CSMD1: variants seen among roughly 807,000 people sequenced by gnomAD.
CSMD1 encodes the protein CUB and sushi domain-containing protein 1.
Under a neutral mutation model 417.5 loss-of-function variants are expected in CSMD1, and 213 were observed. The ratio of observed to expected loss-of-function variants is 0.51; its 90% CI spans 0.46 to 0.57. The LOEUF (loss-of-function observed/expected upper bound fraction) is 0.57, where lower values mean the gene tolerates loss of function less well. CSMD1 is among the 20% of genes least tolerant of loss of function. The pLI is 0.00. For missense variants in CSMD1, 6,923 were observed against 4,529.7 expected (o/e 1.53, Z -15.17); for synonymous variants, 2,862 against 1,736.8 (o/e 1.65, Z -16.11).
intron 3 of CSMD1, among the ~76,000 whole-genome samples, chr8:4,331,261 G>T (rs1006253734): frequency 3.9e-5 from 6 of 152,128 alleles, no homozygotes; most frequent in African/African-American, 1.2e-4. Context: ...GAGAAGCCAG[G>T]GAACTCGGTG....
At chr8:3,920,852 T>C (rs929540592) in intron 5 of CSMD1, among the ~76,000 whole-genome samples, 1 of 152,198 alleles carries the variant, frequency 6.6e-6, no homozygotes, top group Admixed American at 6.5e-5. Flanking sequence ...ATCCCTTTAA[T>C]GTGCTATTGA....
chr8:3,663,380 T>C (rs529063758), intron 7 of CSMD1, among the ~76,000 whole-genome samples: 1 of 152,244 alleles, frequency 6.6e-6, no homozygotes, highest in African/African-American at 2.4e-5. Context: ...GGGGCACTTC[T>C]GTAAATTTCC....
intron 3 of CSMD1, among the ~76,000 whole-genome samples, chr8:4,083,709 T>TA (rs1279140801): frequency 6.6e-6 from 1 of 152,072 alleles, no homozygotes; most frequent in Non-Finnish European, 1.5e-5. Context: ...ATTAAAGACT[T>TA]AAACGTTAGA....
intron 1 of CSMD1, among the ~76,000 whole-genome samples, chr8:4,810,759 G>T (rs747078230): frequency 4.6e-5 from 7 of 152,066 alleles, no homozygotes; most frequent in Non-Finnish European, 1.0e-4. Flanking sequence ...TGAAATAATT[G>T]AAAAAGCTGA....
At chr8:4,736,973 T>G (rs1158862025) in intron 1 of CSMD1, among the ~76,000 whole-genome samples, 1 of 152,212 alleles carries the variant, frequency 6.6e-6, no homozygotes, top group Non-Finnish European at 1.5e-5. Flanking sequence ...TATTCTCTCA[T>G]GGCTGCTTCT....
intron 1 of CSMD1, among the ~76,000 whole-genome samples, chr8:4,886,989 C>G (rs930983198): frequency 6.6e-5 from 10 of 151,998 alleles, no homozygotes; most frequent in African/African-American, 2.2e-4. Flanking sequence ...TTCTGCTCAA[C>G]TCTTATATAT....
At chr8:4,153,140 G>C (rs903955212) in intron 3 of CSMD1, among the ~76,000 whole-genome samples, 7 of 152,142 alleles carry the variant, frequency 4.6e-5, no homozygotes, top group African/African-American at 1.2e-4. Flanking sequence ...ATTGAATACT[G>C]AATCTTGACT....
chr8:4,223,282 T>C (rs967342321), intron 3 of CSMD1, among the ~76,000 whole-genome samples: 7 of 152,296 alleles, frequency 4.6e-5, no homozygotes, highest in Admixed American at 4.6e-4. Context: ...ATCCAGACTT[T>C]TTGCCTCGAA....
intron 2 of CSMD1, among the ~76,000 whole-genome samples, chr8:4,490,456 T>C (rs1801645076): frequency 6.6e-6 from 1 of 152,242 alleles, no homozygotes. Flanking sequence ...AGTTTTTTAA[T>C]GACAACTGAT....
chr8:4,003,261 C>T (rs1422011153), intron 4 of CSMD1, among the ~76,000 whole-genome samples: 3 of 151,948 alleles, frequency 2.0e-5, no homozygotes, highest in African/African-American at 7.3e-5. Context: ...GGTGTGGTGA[C>T]GGGCACTTGT....
At chr8:3,513,040 G>T (rs1159795509) in intron 10 of CSMD1, among the ~76,000 whole-genome samples, 1 of 152,190 alleles carries the variant, frequency 6.6e-6, no homozygotes, top group South Asian at 2.1e-4. Flanking sequence ...TGAGGTTTTA[G>T]AATTTTCCAC....
chr8:4,285,842 T>G (rs1379919488), intron 3 of CSMD1, among the ~76,000 whole-genome samples: 1 of 152,218 alleles, frequency 6.6e-6, no homozygotes, highest in Non-Finnish European at 1.5e-5. Flanking sequence ...TTGGCTATTT[T>G]AATCAGGAAC....
At chr8:4,858,933 A>T (rs924336168) in intron 1 of CSMD1, among the ~76,000 whole-genome samples, 1 of 151,184 alleles carries the variant, frequency 6.6e-6, no homozygotes, top group African/African-American at 2.4e-5. Context: ...GTCATATGGA[A>T]CCAAAAAAGA....
At chr8:3,650,657 C>T (rs555399690) in intron 7 of CSMD1, among the ~76,000 whole-genome samples, 9 of 152,290 alleles carry the variant, frequency 5.9e-5, no homozygotes, top group East Asian at 3.9e-4. Context: ...ACTACCATCA[C>T]GCTATGAGAA....
chr8:4,712,458 T>C (rs1808367087), intron 1 of CSMD1, among the ~76,000 whole-genome samples: 1 of 152,038 alleles, frequency 6.6e-6, no homozygotes, highest in Admixed American at 6.6e-5. Context: ...CTTCTCACAA[T>C]TTTTTTTCCC....
At chr8:4,453,173 C>CT (rs1376467172) in intron 2 of CSMD1, among the ~76,000 whole-genome samples, 3 of 151,100 alleles carry the variant, frequency 2.0e-5, no homozygotes, top group Non-Finnish European at 2.9e-5. Context: ...CCGTTCCCCC[C>CT]TCCATCCCAA....
intron 4 of CSMD1, among the ~76,000 whole-genome samples, chr8:4,029,942 G>T (rs578127661): frequency 6.6e-6 from 1 of 152,068 alleles, no homozygotes; most frequent in Admixed American, 6.5e-5. Flanking sequence ...AGAATCCAGT[G>T]GGGCAGTCAA....
At chr8:4,534,086 C>A (rs1585215169) in intron 2 of CSMD1, among the ~76,000 whole-genome samples, 1 of 152,134 alleles carries the variant, frequency 6.6e-6, no homozygotes, top group Non-Finnish European at 1.5e-5. Flanking sequence ...ATTATCTCAA[C>A]AGATTATGTA....
At chr8:4,986,617 G>A (rs889780601) in intron 1 of CSMD1, among the ~76,000 whole-genome samples, 3 of 151,706 alleles carry the variant, frequency 2.0e-5, no homozygotes, top group South Asian at 2.1e-4. Flanking sequence ...TAATTCACTC[G>A]AACAGTATTT....
Sources: allele counts gnomAD v4.1 joint callset (sites outside exome capture counted in the v4.1 genomes callset), GRCh38; gene constraint gnomAD v4.1.1; transcripts MANE v1.5; gene names NCBI Gene and HGNC (gene_info 2026-07-23, HGNC 2026-07-21).